Variants in AKAP6 observed in about 807,000 individuals in gnomAD.
AKAP6 encodes the protein A-kinase anchor protein 6.
In AKAP6, 58 loss-of-function variants were observed where a neutral mutation model predicts 188.5. The ratio of observed to expected loss-of-function variants is 0.31; its 90% CI spans 0.25 to 0.38. AKAP6 has a LOEUF of 0.38. Ranked by LOEUF, AKAP6 falls within the 10% of genes least tolerant of loss-of-function variation. The pLI is 1.00. For synonymous variants in AKAP6, 989 were observed against 998.6 expected (o/e 0.99, Z 0.18); for missense variants, 2,710 against 2,740.0 (o/e 0.99, Z 0.24).
At chr14:32,717,728 C>T (rs979153647) in intron 9 of AKAP6, among the ~76,000 whole-genome samples, 1 of 151,808 alleles carries the variant, frequency 6.6e-6, no homozygotes, top group African/African-American at 2.4e-5. Context: ...GCAGTTATAA[C>T]CAAGGTTTGT....
chr14:32,762,826 G>C (rs1276480926), intron 11 of AKAP6, among the ~76,000 whole-genome samples: 1 of 152,022 alleles, frequency 6.6e-6, no homozygotes, highest in Non-Finnish European at 1.5e-5. Context: ...TGATTGGTGA[G>C]TATACCAGAT....
chr14:32,757,698 C>T (rs1220306630), intron 11 of AKAP6, among the ~76,000 whole-genome samples: 1 of 152,170 alleles, frequency 6.6e-6, no homozygotes, highest in African/African-American at 2.4e-5. Context: ...ATATATAGTC[C>T]TCTTCCAAGG....
At chr14:32,337,238 TG>T (rs1401640310) in intron 1 of AKAP6, among the ~76,000 whole-genome samples, 2 of 152,128 alleles carry the variant, frequency 1.3e-5, no homozygotes, top group African/African-American at 4.8e-5. Flanking sequence ...TTAGGGTTAT[TG>T]GTACATTTCA....
intron 2 of AKAP6, among the ~76,000 whole-genome samples, chr14:32,466,210 A>G (rs1376300934): frequency 1.3e-5 from 2 of 152,142 alleles, no homozygotes; most frequent in East Asian, 1.9e-4. Flanking sequence ...ATTTGACCCA[A>G]CAGTCCCATT....
At chr14:32,737,281 A>G (rs2031472732) in intron 11 of AKAP6, among the ~76,000 whole-genome samples, 1 of 152,116 alleles carries the variant, frequency 6.6e-6, no homozygotes, top group Non-Finnish European at 1.5e-5. Flanking sequence ...AATTTTATTC[A>G]TGACTGTTGG....
chr14:32,392,863 A>T (rs998693081), intron 1 of AKAP6, among the ~76,000 whole-genome samples: 17 of 152,156 alleles, frequency 1.1e-4, no homozygotes, highest in Admixed American at 5.2e-4. Flanking sequence ...ATTAATAAAT[A>T]AACTGGGAGA....
At chr14:32,437,398 A>T (rs576263060) in intron 2 of AKAP6, among the ~76,000 whole-genome samples, 3 of 152,312 alleles carry the variant, frequency 2.0e-5, no homozygotes, top group Admixed American at 2.0e-4. Flanking sequence ...AAGTCTTTTC[A>T]TCATGCTCTT....
intron 12 of AKAP6, among the ~76,000 whole-genome samples, chr14:32,786,296 A>ATGTTTTTTTTGTTT: frequency 3.2e-5 from 3 of 93,706 alleles, no homozygotes; most frequent in Non-Finnish European, 4.1e-5. Context: ...CTAAACCTTT[A>ATGTTTTTTTTGTTT]TCTTTTTTTT....
intron 7 of AKAP6, among the ~76,000 whole-genome samples, chr14:32,669,689 T>G (rs544432858): frequency 1.4e-3 from 216 of 152,296 alleles, no homozygotes; most frequent in African/African-American, 5.0e-3. Context: ...GAGGTTTAAT[T>G]GACTCACAGT....
rs146847548 is a variant in AKAP6 at position 32,351,081 on chromosome 14, T to C, written c.-35+21673T>C. 4.1e-3 allele frequency among the ~76,000 whole-genome samples: 627 copies of C among 152,310 alleles called. 3 individuals are homozygous for C. The highest frequency in any genetic ancestry group is 0.014 in the African/African-American group (602 of 41,558). Reference sequence around the variant, plus strand: ...AGACAGAATATAGTGATTTTCCAGATGATTTTTAAATGTTTGAGAGAGAAT... The same window carrying C: ...AGACAGAATATAGTGATTTTCCAGACGATTTTTAAATGTTTGAGAGAGAAT... On this transcript the variant is annotated intron_variant, in intron 1 of 13. Coordinates refer to ENST00000280979, the MANE Select transcript of AKAP6 (RefSeq NM_004274.5).
intron 3 of AKAP6, among the ~76,000 whole-genome samples, chr14:32,543,353 A>G (rs1318332343): frequency 1.3e-5 from 2 of 152,224 alleles, no homozygotes; most frequent in African/African-American, 4.8e-5. Flanking sequence ...AAGCTCATAC[A>G]TGTTGTCACA....
At chr14:32,599,649 A>G in intron 6 of AKAP6, 143 bp downstream of exon 6, 1 of 598,240 alleles carries the variant, frequency 1.7e-6, no homozygotes. Context: ...AGATTTATAA[A>G]TGTTTCATAT....
At chr14:32,635,559 G>C (rs561373589) in intron 7 of AKAP6, among the ~76,000 whole-genome samples, 15 of 152,078 alleles carry the variant, frequency 9.9e-5, no homozygotes, top group Non-Finnish European at 1.8e-4. Context: ...AGCTGTCCTA[G>C]AGCTGGGAGC....
chr14:32,791,273 G>C (rs1028324256), intron 12 of AKAP6, among the ~76,000 whole-genome samples: 1 of 152,128 alleles, frequency 6.6e-6, no homozygotes, highest in African/African-American at 2.4e-5. Flanking sequence ...AGCCTCTCCA[G>C]CATCTATTGT....
intron 11 of AKAP6, among the ~76,000 whole-genome samples, chr14:32,750,754 T>G (rs1189809435): frequency 1.3e-5 from 2 of 150,316 alleles, no homozygotes; most frequent in East Asian, 1.9e-4. Context: ...TTTTTTTGTT[T>G]TTTTTTCAGA....
At position 32,349,179 on chromosome 14, in the gene AKAP6, T is replaced by C. The variant is rs1887174929; in HGVS notation, c.-35+19771T>C. 1.3e-5 allele frequency among the ~76,000 whole-genome samples: 2 copies of C among 152,226 alleles called. 1 individual carries two copies. The highest frequency in any genetic ancestry group is 1.3e-4 in the Admixed American group (2 of 15,290). ...AATGGCCATTTCCAAAGCAATGACATTGTAGTATTTCAAAACAAAAGCTAT... is the reference window on the plus strand; with the variant it reads ...AATGGCCATTTCCAAAGCAATGACACTGTAGTATTTCAAAACAAAAGCTAT... On this transcript the variant is annotated intron_variant, in intron 1 of 13. Coordinates refer to ENST00000280979, the MANE Select transcript of AKAP6 (RefSeq NM_004274.5).
intron 9 of AKAP6, among the ~76,000 whole-genome samples, chr14:32,707,994 A>G (rs1890884340): frequency 6.6e-6 from 1 of 152,056 alleles, no homozygotes; most frequent in Non-Finnish European, 1.5e-5. Context: ...ACAGAAATCC[A>G]CAACTAATCA....
chr14:32,590,639 G>T (rs553167606), intron 5 of AKAP6, among the ~76,000 whole-genome samples: 1 of 152,214 alleles, frequency 6.6e-6, no homozygotes, highest in East Asian at 1.9e-4. Context: ...TTGTCACAGG[G>T]CTTTCTAGGT....
intron 7 of AKAP6, among the ~76,000 whole-genome samples, chr14:32,644,735 A>G (rs1887914938): frequency 6.6e-6 from 1 of 152,002 alleles, no homozygotes; most frequent in Non-Finnish European, 1.5e-5. Context: ...CTCACCAACC[A>G]TCACAAACTG....
Sources: gnomAD v4.1 joint callset for allele counts (sites outside exome capture counted in the v4.1 genomes callset) on GRCh38, gnomAD v4.1.1 for gene constraint, MANE v1.5 for transcripts, NCBI Gene and HGNC (gene_info 2026-07-23, HGNC 2026-07-21) for gene names.